Variants in ZFPM2 observed in about 807,000 individuals in gnomAD.
The protein encoded by ZFPM2 is zinc finger protein ZFPM2.
ZFPM2 carries 20 observed loss-of-function variants against 98.6 expected under a neutral mutation model. The observed-to-expected ratio is 0.20, with a 90% CI of 0.14 to 0.29. The LOEUF is 0.29. Ranked by LOEUF, ZFPM2 falls within the 10% of genes least tolerant of loss-of-function variation. ZFPM2 has a pLI of 1.00. For missense variants in ZFPM2, 1,310 were observed against 1,388.6 expected (o/e 0.94, Z 0.90); for synonymous variants, 518 against 502.7 (o/e 1.03, Z -0.41).
intron 5 of ZFPM2, among the ~76,000 whole-genome samples, chr8:105,693,613 A>C (rs1194982898): frequency 6.6e-6 from 1 of 152,238 alleles, no homozygotes; most frequent in Non-Finnish European, 1.5e-5. Context: ...CTCATCATAA[A>C]TCTAATTTTG....
At chr8:105,595,261 A>G (rs549524423) in intron 4 of ZFPM2, among the ~76,000 whole-genome samples, 2 of 152,190 alleles carry the variant, frequency 1.3e-5, no homozygotes, top group South Asian at 2.1e-4. Context: ...TTATTAGTCT[A>G]TCTTTGGTCA....
chr8:105,390,927 A>G (rs1164485110), intron 1 of ZFPM2, among the ~76,000 whole-genome samples: 1 of 152,186 alleles, frequency 6.6e-6, no homozygotes, highest in East Asian at 1.9e-4. Context: ...GGAGTTGAAG[A>G]TATTGATGAA....
At chr8:105,599,185 C>A (rs1162083338) in intron 4 of ZFPM2, among the ~76,000 whole-genome samples, 1 of 151,916 alleles carries the variant, frequency 6.6e-6, no homozygotes, top group Admixed American at 6.6e-5. Flanking sequence ...GGGTGTCTTT[C>A]TTTAGTATTC....
At chr8:105,487,883 A>AGTCT (rs138344579) in intron 3 of ZFPM2, among the ~76,000 whole-genome samples, 1,659 of 147,860 alleles carry the variant, frequency 0.011, 22 homozygotes, top group East Asian at 0.051. Flanking sequence ...AACCCTATAA[A>AGTCT]GTCTGTCTGT....
intron 5 of ZFPM2, among the ~76,000 whole-genome samples, chr8:105,764,892 A>C (rs1247657031): frequency 6.6e-6 from 1 of 151,798 alleles, no homozygotes; most frequent in East Asian, 1.9e-4. Context: ...TGTGCAGAGA[A>C]GTTTGATTTA....
At chr8:105,581,579 G>A (rs1441834847) in intron 4 of ZFPM2, among the ~76,000 whole-genome samples, 2 of 152,094 alleles carry the variant, frequency 1.3e-5, no homozygotes, top group African/African-American at 4.8e-5. Flanking sequence ...TTGGATCAGA[G>A]CATAGAAATA....
intron 5 of ZFPM2, among the ~76,000 whole-genome samples, chr8:105,695,297 T>C (rs928661458): frequency 1.3e-5 from 2 of 151,718 alleles, no homozygotes; most frequent in African/African-American, 4.8e-5. Context: ...AAAAGAAAAG[T>C]GTATTTACAG....
intron 4 of ZFPM2, among the ~76,000 whole-genome samples, chr8:105,618,007 C>T (rs575890810): frequency 6.6e-6 from 1 of 152,198 alleles, no homozygotes; most frequent in South Asian, 2.1e-4. Context: ...TACAAGACCC[C>T]AAACTGTGCA....
intron 3 of ZFPM2, among the ~76,000 whole-genome samples, chr8:105,450,716 G>A (rs1377566483): frequency 6.6e-6 from 1 of 152,048 alleles, no homozygotes; most frequent in Non-Finnish European, 1.5e-5. Flanking sequence ...ATGTGTGTGT[G>A]TGCTCACGTG....
chr8:105,336,600 T>C (rs1812329154), intron 1 of ZFPM2, among the ~76,000 whole-genome samples: 1 of 151,476 alleles, frequency 6.6e-6, no homozygotes, highest in African/African-American at 2.4e-5. Flanking sequence ...TTAAAAGGAA[T>C]AAATACTTTA....
At chr8:105,509,021 T>C (rs1257749581) in intron 3 of ZFPM2, among the ~76,000 whole-genome samples, 1 of 152,138 alleles carries the variant, frequency 6.6e-6, no homozygotes, top group Non-Finnish European at 1.5e-5. Context: ...ATCAGGTTCC[T>C]GAAGGGAGCG....
chr8:105,425,737 A>G (rs1415096924), intron 2 of ZFPM2, among the ~76,000 whole-genome samples: 1 of 152,184 alleles, frequency 6.6e-6, no homozygotes, highest in Non-Finnish European at 1.5e-5. Context: ...GTTACCTGTA[A>G]CAAATCTAAG....
rs868590215 is a variant in ZFPM2 at position 105,482,873 on chromosome 8, C to T, written c.301+38492C>T. ...GATACTTGCATCTCATTTCTTTAAT[C>T]TTTCTTTCCTTCCTTCCTTCCTTCC... On this transcript the variant is annotated intron_variant, in intron 3 of 7. Coordinates refer to ENST00000407775, the MANE Select transcript of ZFPM2 (RefSeq NM_012082.4). Among the ~76,000 whole-genome samples the T allele has an allele frequency of 7.2e-5, 11 of 151,914 alleles. No individual in the cohort carries two copies. In the South Asian group the frequency reaches 1.0e-3, roughly 14 times the overall value.
At chr8:105,480,156 G>A (rs576699766) in intron 3 of ZFPM2, among the ~76,000 whole-genome samples, 45 of 152,224 alleles carry the variant, frequency 3.0e-4, no homozygotes, top group African/African-American at 1.0e-3. Flanking sequence ...TTTGACTAAT[G>A]GAAATTTTAA....
intron 3 of ZFPM2, among the ~76,000 whole-genome samples, chr8:105,492,958 A>G (rs1371257136): frequency 6.6e-6 from 1 of 152,128 alleles, no homozygotes; most frequent in Non-Finnish European, 1.5e-5. Flanking sequence ...TTCCTAAATT[A>G]ATGTAGTATT....
intron 4 of ZFPM2, among the ~76,000 whole-genome samples, chr8:105,572,302 C>T (rs1347297152): frequency 2.6e-5 from 4 of 152,022 alleles, no homozygotes; most frequent in Non-Finnish European, 5.9e-5. Flanking sequence ...TCCCAAAGTG[C>T]TGGGATTACA....
intron 3 of ZFPM2, among the ~76,000 whole-genome samples, chr8:105,559,269 A>G (rs535034238): frequency 6.6e-6 from 1 of 152,328 alleles, no homozygotes; most frequent in East Asian, 1.9e-4. Context: ...AGGATCTAGT[A>G]CTTAGGCATT....
chr8:105,549,379 A>G (rs1294198429), intron 3 of ZFPM2, among the ~76,000 whole-genome samples: 1 of 152,196 alleles, frequency 6.6e-6, no homozygotes, highest in African/African-American at 2.4e-5. Flanking sequence ...AGCTATGTAC[A>G]ATTTTGCATC....
Position 105,640,133 on chromosome 8 carries a change from G to A in ZFPM2, c.532+5776G>A, listed in dbSNP as rs1028639215. Among the ~76,000 whole-genome samples, 4 of 151,868 alleles carry A rather than the reference G, an allele frequency of 2.6e-5. No homozygotes were observed. In the East Asian group the frequency reaches 7.7e-4, roughly 29 times the overall value. ...CCATTTTACAGATGAATAAATTTAG[G>A]TTTCGATGGGTTAAGTAAGTTAAAA... On this transcript the variant is annotated intron_variant, in intron 5 of 7. Coordinates refer to ENST00000407775, the MANE Select transcript of ZFPM2 (RefSeq NM_012082.4).
Sources: gnomAD v4.1 joint callset for allele counts (sites outside exome capture counted in the v4.1 genomes callset) on GRCh38, gnomAD v4.1.1 for gene constraint, MANE v1.5 for transcripts, NCBI Gene and HGNC (gene_info 2026-07-23, HGNC 2026-07-21) for gene names.